The following DIS3L2 variants were observed in gnomAD, a reference collection of about 807,000 sequenced individuals.
DIS3L2 encodes DIS3 like 3'-5' exoribonuclease 2, also known as DIS3-like exonuclease 2.
Under a neutral mutation model 97.5 loss-of-function variants are expected in DIS3L2, and 34 were observed. That is an observed-to-expected ratio of 0.35 (90% CI 0.27 to 0.46). The LOEUF is 0.46. DIS3L2 is among the 20% of genes least tolerant of loss of function. The pLI is 1.00. For synonymous variants in DIS3L2, 435 were observed against 445.2 expected, an observed-to-expected ratio of 0.98 and a Z score of 0.29; for missense variants, 1,038 against 1,146.0, an observed-to-expected ratio of 0.91 and a Z score of 1.36.
downstream of DIS3L2, chr2:232,339,697 A>C: frequency 2.2e-6 from 1 of 456,322 alleles, no homozygotes. Flanking sequence ...CTGAGCATGC[A>C]GGGCCGGGGT....
intron 14 of DIS3L2, among the ~76,000 whole-genome samples, chr2:232,302,169 T>C (rs1360689616): frequency 6.6e-6 from 1 of 151,742 alleles, no homozygotes; most frequent in African/African-American, 2.4e-5. Flanking sequence ...TTCTCACTCA[T>C]AGGTGGGAAC....
chr2:232,238,767 G>A (rs1218451565), intron 11 of DIS3L2, 122 bp downstream of exon 11: 22 of 825,350 alleles, frequency 2.7e-5, no homozygotes, highest in Non-Finnish European at 4.2e-5. Context: ...AGACACAGGT[G>A]TTCATCTGAG....
chr2:232,167,866 A>G (rs1690871427), intron 9 of DIS3L2, among the ~76,000 whole-genome samples: 2 of 152,136 alleles, frequency 1.3e-5, no homozygotes, highest in African/African-American at 4.8e-5. Context: ...CCTGGCCAAC[A>G]TGGTGAAACC....
Position 232,014,832 on chromosome 2 carries a change from C to A in DIS3L2, c.-93-3C>A. ...CCAATTACCAATCTCTTCTTGGTTT[C>A]AGCGAATGACAACAGAGCTGCTCAA... On this transcript the variant is annotated splice_region_variant and splice_polypyrimidine_tract_variant and intron_variant, in intron 1 of 20. Transcript: ENST00000325385. 7.5e-7 allele frequency: 1 copy of A among 1,341,552 alleles called. No homozygotes were observed. Among genetic ancestry groups the A allele is most frequent in the Non-Finnish European group, 1.0e-6 (1 of 961,192 alleles). 83.1% of individuals were successfully genotyped at this position (1,341,552 alleles called of 1,614,324 possible). A position where few individuals can be genotyped will look rare whatever the true frequency, so the allele number is the denominator to read the frequency against.
In DIS3L2 at chr2:232,136,654, T is replaced by C; in HGVS notation, c.885T>C (p.Asp295=). The C allele has an allele frequency of 1.2e-6, 2 of 1,613,804 alleles. No individual in the cohort carries two copies. Among genetic ancestry groups the C allele is most frequent in the Non-Finnish European group, 1.7e-6 (2 of 1,179,914 alleles). Residue 295 remains aspartate (D), a synonymous_variant, in exon 8 of 21, where the codon GAT becomes GAC. Coordinates refer to ENST00000325385, the MANE Select transcript of DIS3L2 (RefSeq NM_152383.5). ...CPQDFVARPK[D]YANTLFICRI... ...AGGACTTTGTGGCACGGCCTAAAGA[T>C]TATGCCAACACACTGTTCATCTGCC...
chr2:231,985,559 C>T (rs1396035164), intron 1 of DIS3L2, among the ~76,000 whole-genome samples: 1 of 152,210 alleles, frequency 6.6e-6, no homozygotes, highest in Non-Finnish European at 1.5e-5. Context: ...TTTCATTTCT[C>T]TGGAATAAAT....
intron 16 of DIS3L2, chr2:232,331,576 A>C (rs1362642719): frequency 6.6e-6 from 1 of 152,176 alleles, no homozygotes; most frequent in Non-Finnish European, 1.5e-5. Context: ...ACCTGCCCCC[A>C]GTCACAAGTG....
At chr2:232,025,098 C>G (rs1005226712) in intron 4 of DIS3L2, among the ~76,000 whole-genome samples, 1 of 152,044 alleles carries the variant, frequency 6.6e-6, no homozygotes, top group African/African-American at 2.4e-5. Context: ...TTTTAGTTAA[C>G]ATATTTTATT....
chr2:232,024,393 A>T, intron 4 of DIS3L2, 63 bp downstream of exon 4: 1 of 1,285,250 alleles, frequency 7.8e-7, no homozygotes. Context: ...CTGCTCCGAA[A>T]CTGAAATCAT....
chr2:232,265,379 C>T (rs147029428), intron 13 of DIS3L2, among the ~76,000 whole-genome samples: 18 of 152,306 alleles, frequency 1.2e-4, no homozygotes, highest in African/African-American at 3.6e-4. Context: ...TGGATGCTAA[C>T]GAGCCAAAAT....
At chr2:232,213,812 G>A (rs1692261605) in intron 10 of DIS3L2, among the ~76,000 whole-genome samples, 1 of 151,884 alleles carries the variant, frequency 6.6e-6, no homozygotes, top group Non-Finnish European at 1.5e-5. Context: ...TGTACTCCCA[G>A]GACTTGTTAC....
At chr2:232,143,845 T>C (rs985493558) in intron 8 of DIS3L2, among the ~76,000 whole-genome samples, 1 of 152,028 alleles carries the variant, frequency 6.6e-6, no homozygotes, top group Admixed American at 6.6e-5. Context: ...CATAATTTTT[T>C]CCCCAGAGGT....
Position 232,329,824 on chromosome 2 carries a change from A to T in DIS3L2, c.1751A>T (p.Glu584Val). 1.9e-6 allele frequency: 1 copy of T among 525,108 alleles called. No homozygotes were observed. The highest frequency in any genetic ancestry group is 3.1e-6 in the Non-Finnish European group (1 of 324,042). 32.5% of individuals were successfully genotyped at this position (525,108 alleles called of 1,614,324 possible). A position where few individuals can be genotyped will look rare whatever the true frequency, so the allele number is the denominator to read the frequency against. The change falls in exon 15 of 21, where the codon GAG becomes GTG. Residue 584 changes from glutamate to valine, a missense_variant. This residue lies in a region of DIS3L2 where 813 missense variants were observed against 880.1 expected (regional missense o/e 0.92). Transcript: ENST00000325385. ...EYRESNKLVE[E>V]FMLLANMAVA... The stretch of plus-strand genomic sequence containing the variant: ...CCCACCCTCTGCAGGCTCGTGGAGG[A>T]GTTCATGCTCTTGGCCAACATGGCA...
At chr2:232,193,477 T>A (rs1157987332) in intron 9 of DIS3L2, among the ~76,000 whole-genome samples, 1 of 152,238 alleles carries the variant, frequency 6.6e-6, no homozygotes, top group Non-Finnish European at 1.5e-5. Context: ...GCATACATTA[T>A]GCTTGATAAA....
At chr2:232,191,162 G>C (rs1205563514) in intron 9 of DIS3L2, among the ~76,000 whole-genome samples, 1 of 152,180 alleles carries the variant, frequency 6.6e-6, no homozygotes, top group Non-Finnish European at 1.5e-5. Flanking sequence ...GAGGAAGTGA[G>C]AGGGAGCTTG....
In DIS3L2 at chr2:232,073,687, G is replaced by C. The variant is rs147445716; in HGVS notation, c.367-13800G>C. 1.5e-3 allele frequency among the ~76,000 whole-genome samples: 229 copies of C among 152,242 alleles called. 2 individuals carry two copies. The East Asian group carries it at 0.04, about 26-fold the overall frequency. ...AGCCAGCATAATGGAAAGGTTACCT[G>C]GCACTTTTATTTAGGATTCCATTAG... On this transcript the variant is annotated intron_variant, in intron 5 of 20. Coordinates refer to ENST00000325385, the MANE Select transcript of DIS3L2 (RefSeq NM_152383.5).
At chr2:232,003,356 A>C (rs577494113) in intron 1 of DIS3L2, among the ~76,000 whole-genome samples, 1 of 152,302 alleles carries the variant, frequency 6.6e-6, no homozygotes, top group Admixed American at 6.5e-5. Flanking sequence ...CACATCCTTT[A>C]GTAGCTTCAT....
At chr2:231,984,121 T>C (rs1482723302) in intron 1 of DIS3L2, among the ~76,000 whole-genome samples, 1 of 151,924 alleles carries the variant, frequency 6.6e-6, no homozygotes, top group African/African-American at 2.4e-5. Flanking sequence ...ATCACCTTTT[T>C]TGTTATGTAG....
chr2:232,290,554 G>A (rs530507162), intron 13 of DIS3L2, among the ~76,000 whole-genome samples: 5 of 152,170 alleles, frequency 3.3e-5, no homozygotes, highest in Non-Finnish European at 7.4e-5. Flanking sequence ...TTTCTCCTGG[G>A]ACTGGCTCCT....
Sources: allele counts gnomAD v4.1 joint callset (sites outside exome capture counted in the v4.1 genomes callset), GRCh38; gene constraint gnomAD v4.1.1; regional missense constraint gnomAD v4.1.1; transcripts MANE v1.5; gene names NCBI Gene and HGNC (gene_info 2026-07-23, HGNC 2026-07-21).